The following SLC1A3 variants were observed in gnomAD, a reference collection of about 807,000 sequenced individuals.
SLC1A3 encodes the protein excitatory amino acid transporter 1.
Under a neutral mutation model 48.1 loss-of-function variants are expected in SLC1A3, and 21 were observed. The observed-to-expected ratio is 0.44, with a 90% CI of 0.31 to 0.63. SLC1A3 has a LOEUF of 0.63. Ranked by LOEUF, SLC1A3 falls within the 20% of genes least tolerant of loss-of-function variation. SLC1A3 has a pLI of 0.08. For missense variants in SLC1A3, 546 were observed against 689.0 expected (o/e 0.79, Z 2.32); for synonymous variants, 239 against 251.4 (o/e 0.95, Z 0.47).
chr5:36,683,721 A>AT, intron 8 of SLC1A3, 143 bp from the exon 9 acceptor site: 2 of 717,702 alleles, frequency 2.8e-6, no homozygotes, highest in Non-Finnish European at 2.3e-6. Flanking sequence ...AAAAAAAAAA[A>AT]TCTCATTTAC....
intron 3 of SLC1A3, among the ~76,000 whole-genome samples, chr5:36,656,217 T>C (rs1175902922): frequency 6.6e-6 from 1 of 152,192 alleles, no homozygotes; most frequent in Non-Finnish European, 1.5e-5. Flanking sequence ...TTCTGAAAGG[T>C]CATTGTTATT....
chr5:36,670,483 G>T (rs1351021862), intron 3 of SLC1A3, among the ~76,000 whole-genome samples: 1 of 151,976 alleles, frequency 6.6e-6, no homozygotes, highest in African/African-American at 2.4e-5. Flanking sequence ...CAGAATAATA[G>T]CTTAAATTGT....
At chr5:36,676,850 T>C (rs1397696738) in intron 5 of SLC1A3, 42 bp from the exon 6 acceptor site, 3 of 1,479,434 alleles carry the variant, frequency 2.0e-6, no homozygotes, top group Non-Finnish European at 2.8e-6. Flanking sequence ...AAGAAAAAAA[T>C]AAAAATCACC....
intron 5 of SLC1A3, among the ~76,000 whole-genome samples, chr5:36,675,334 A>C (rs1742162169): frequency 6.6e-6 from 1 of 152,168 alleles, no homozygotes; most frequent in Non-Finnish European, 1.5e-5. Flanking sequence ...AGCGCCTTTC[A>C]ATCCAACCAG....
intron 2 of SLC1A3, among the ~76,000 whole-genome samples, chr5:36,626,515 G>A (rs139339690): frequency 1.6e-4 from 25 of 152,292 alleles, no homozygotes; most frequent in Admixed American, 5.9e-4. Context: ...TCTAAAACTC[G>A]TGACAGCTTG....
intron 2 of SLC1A3, among the ~76,000 whole-genome samples, chr5:36,611,937 T>G (rs1179411253): frequency 6.6e-6 from 1 of 152,112 alleles, no homozygotes; most frequent in Non-Finnish European, 1.5e-5. Flanking sequence ...AAGAAATGGG[T>G]CATAAGATCA....
upstream of SLC1A3, among the ~76,000 whole-genome samples, chr5:36,605,715 A>AT (rs564941091): frequency 4.6e-5 from 7 of 151,956 alleles, no homozygotes; most frequent in South Asian, 2.1e-4. Context: ...CCTCAAAAAA[A>AT]TTTTTTTTTA....
chr5:36,650,527 C>T (rs1248117730), intron 3 of SLC1A3, among the ~76,000 whole-genome samples: 2 of 152,220 alleles, frequency 1.3e-5, no homozygotes, highest in Non-Finnish European at 2.9e-5. Context: ...AGCTTTATCT[C>T]TGTCTTCCTT....
intron 3 of SLC1A3, among the ~76,000 whole-genome samples, chr5:36,640,633 C>G (rs1170167696): frequency 6.6e-6 from 1 of 151,944 alleles, no homozygotes; most frequent in Non-Finnish European, 1.5e-5. Flanking sequence ...AGTAATAAGT[C>G]AAAAAGAGCT....
intron 3 of SLC1A3, among the ~76,000 whole-genome samples, chr5:36,638,136 A>G (rs1395889992): frequency 6.6e-6 from 1 of 152,120 alleles, no homozygotes; most frequent in Non-Finnish European, 1.5e-5. Context: ...AGAGGTGTAG[A>G]TACGTTTCCA....
intron 3 of SLC1A3, among the ~76,000 whole-genome samples, chr5:36,661,181 G>C (rs1319222158): frequency 6.6e-6 from 1 of 152,228 alleles, no homozygotes; most frequent in Non-Finnish European, 1.5e-5. Context: ...GGAGGTCCAG[G>C]CGGGCGGATC....
At chr5:36,683,291 C>T (rs187132759) in intron 8 of SLC1A3, among the ~76,000 whole-genome samples, 140 of 152,306 alleles carry the variant, frequency 9.2e-4, no homozygotes, top group Middle Eastern at 3.4e-3. Flanking sequence ...ATAGGTCCAA[C>T]TTCACAAGGG....
At chr5:36,623,993 T>C in intron 2 of SLC1A3, among the ~76,000 whole-genome samples, 1 of 152,174 alleles carries the variant, frequency 6.6e-6, no homozygotes, top group East Asian at 1.9e-4. Flanking sequence ...CTTTTTTCAT[T>C]GCTGGGGTAG....
Position 36,671,126 on chromosome 5 carries a change from A to G in SLC1A3, c.417A>G (p.Ile139Met). 1 of 1,613,934 alleles carries G rather than the reference A, an allele frequency of 6.2e-7. No individual in the cohort carries two copies. The highest frequency in any genetic ancestry group is 2.2e-5 in the East Asian group (1 of 44,884). Residue 139 changes from isoleucine to methionine, a missense_variant, in exon 4 of 10, where the codon ATA becomes ATG. Ile to Met is a conservative substitution (Grantham distance 10, BLOSUM62 1). Transcript: ENST00000265113. The part of the protein sequence containing the change: ...TTTIIAVVIG[I>M]IIVIIIHPGK... ...CCATCATTGCTGTGGTGATTGGCAT[A>G]ATCATTGTCATCATCATCCATCCTG...
intron 3 of SLC1A3, among the ~76,000 whole-genome samples, chr5:36,664,829 G>A (rs1561274330): frequency 6.6e-6 from 1 of 152,208 alleles, no homozygotes; most frequent in Non-Finnish European, 1.5e-5. Context: ...AGGCTCATCT[G>A]CAAGAGGGAA....
At chr5:36,630,981 T>C (rs1309105884) in intron 3 of SLC1A3, among the ~76,000 whole-genome samples, 4 of 152,226 alleles carry the variant, frequency 2.6e-5, no homozygotes, top group Admixed American at 2.6e-4. Context: ...TGAGGGCACA[T>C]GCTTATTTTA....
At position 36,634,620 on chromosome 5, in the gene SLC1A3, CT is replaced by C. The variant is rs370550771; in HGVS notation, c.319+5043del. ...TTGTCCTTAGAAAACTCTAACAATA[CT>C]TTTTTTTTTATCCAAAATAAAACAA... is the stretch of plus-strand genomic sequence containing the variant. On this transcript the variant is annotated intron_variant, in intron 3 of 9. Coordinates refer to ENST00000265113, the MANE Select transcript of SLC1A3 (RefSeq NM_004172.5). 3.8e-3 allele frequency among the ~76,000 whole-genome samples: 560 copies of C among 148,976 alleles called. 2 individuals carry two copies. Among genetic ancestry groups the C allele is most frequent in the African/African-American group, 0.012 (509 of 40,752 alleles).
At chr5:36,671,700 G>T (rs1464682860) in intron 4 of SLC1A3, among the ~76,000 whole-genome samples, 1 of 152,138 alleles carries the variant, frequency 6.6e-6, no homozygotes, top group Non-Finnish European at 1.5e-5. Flanking sequence ...AGATCATCTT[G>T]TCAAACCTGT....
At chr5:36,674,182 G>T in intron 5 of SLC1A3, 91 bp downstream of exon 5, 2 of 1,029,512 alleles carry the variant, frequency 1.9e-6, no homozygotes, top group Non-Finnish European at 3.1e-6. Flanking sequence ...TCATTTCTCT[G>T]CTATAAGAAA....
Sources: allele counts gnomAD v4.1 joint callset (sites outside exome capture counted in the v4.1 genomes callset), GRCh38; gene constraint gnomAD v4.1.1; transcripts MANE v1.5; gene names NCBI Gene and HGNC (gene_info 2026-07-23, HGNC 2026-07-21).